The following PCNX2 variants were observed in gnomAD, a reference collection of about 807,000 sequenced individuals.
PCNX2 encodes the protein pecanex-like protein 2.
Under a neutral mutation model 223.8 loss-of-function variants are expected in PCNX2, and 168 were observed. That is an observed-to-expected ratio of 0.75 (90% CI 0.66 to 0.85). PCNX2 has a LOEUF of 0.85. PCNX2 is among the 40% of genes least tolerant of loss of function. The pLI is 0.00. For missense variants in PCNX2, 2,507 were observed against 2,675.5 expected, an observed-to-expected ratio of 0.94 and a Z score of 1.39; for synonymous variants, 1,006 against 1,052.6, an observed-to-expected ratio of 0.96 and a Z score of 0.86.
Position 233,295,718 on chromosome 1 carries a change from C to G in PCNX2, c.-240G>C. On this transcript the variant is annotated 5_prime_UTR_variant, in exon 1 of 34. Transcript: ENST00000258229. This position sits in a 1 kb window ranked among gnomAD's most constrained non-coding sequence, Gnocchi z 4.1. ...CGGCCGGGCAGGTGAGCGCCATGTC[C>G]GAGGGAGGAAGGATTTTCCCATCGT... 5.1e-6 allele frequency: 2 copies of G among 388,448 alleles called. No individual in the cohort carries two copies. The highest frequency in any genetic ancestry group is 9.9e-5 in the South Asian group (1 of 10,140). The allele number at this position is 388,448 out of a possible 1,614,324, so 24.1% of individuals were successfully genotyped here.
chr1:233,027,239 T>C (rs1671110420), intron 25 of PCNX2, among the ~76,000 whole-genome samples: 1 of 151,414 alleles, frequency 6.6e-6, no homozygotes, highest in South Asian at 2.1e-4. Context: ...AATATGGAGG[T>C]GTATGTTGAT....
chr1:233,252,515 A>C lies in PCNX2; in HGVS notation c.1983-16T>G, dbSNP rs766044525. ...GCCCTGAAAACTTAACACATATAAA[A>C]GTTTCAAAAAAAATGATTAGAAGTT... On this transcript the variant is annotated splice_polypyrimidine_tract_variant and intron_variant, in intron 6 of 33. Coordinates refer to ENST00000258229, the MANE Select transcript of PCNX2 (RefSeq NM_014801.4). 4 of 1,589,906 alleles carry C rather than the reference A, an allele frequency of 2.5e-6. No homozygotes were observed. The highest frequency in any genetic ancestry group is 3.5e-5 in the Admixed American group (2 of 56,760).
chr1:233,005,181 G>C (rs1165022698), intron 28 of PCNX2, among the ~76,000 whole-genome samples: 1 of 152,222 alleles, frequency 6.6e-6, no homozygotes, highest in Admixed American at 6.5e-5. Flanking sequence ...ATTCAGGAAA[G>C]GATTCGGAGG....
intron 1 of PCNX2, among the ~76,000 whole-genome samples, chr1:233,271,867 G>T (rs1660655475): frequency 6.6e-6 from 1 of 152,090 alleles, no homozygotes; most frequent in South Asian, 2.1e-4. Flanking sequence ...TGCTGTTTTG[G>T]TGACTATGGC....
intron 21 of PCNX2, among the ~76,000 whole-genome samples, chr1:233,111,578 A>AT (rs1675120014): frequency 6.6e-6 from 1 of 151,886 alleles, no homozygotes; most frequent in Non-Finnish European, 1.5e-5. Context: ...TAATGTTTGA[A>AT]TTTTTTGTAG....
intron 9 of PCNX2, among the ~76,000 whole-genome samples, chr1:233,235,771 T>C (rs916544633): frequency 6.6e-6 from 1 of 151,672 alleles, no homozygotes; most frequent in Non-Finnish European, 1.5e-5. Flanking sequence ...CAGGCTAATG[T>C]TTCTATTTTT....
intron 8 of PCNX2, among the ~76,000 whole-genome samples, chr1:233,243,181 TTACTAACAATTCCCTATTCA>T (rs1658880459): frequency 6.6e-6 from 1 of 152,168 alleles, no homozygotes; most frequent in Non-Finnish European, 1.5e-5. Context: ...GGAAGTTACA[TTACTAACAATTCCCTATTCA>T]TACTTGGGAG....
At chr1:233,123,510 A>T (rs1675922367) in intron 21 of PCNX2, among the ~76,000 whole-genome samples, 1 of 152,000 alleles carries the variant, frequency 6.6e-6, no homozygotes, top group Non-Finnish European at 1.5e-5. Flanking sequence ...TGAACCCAGG[A>T]GGCGGATGTT....
rs546021456 is a variant in PCNX2, at chr1:233,253,816, G to GTC, written c.1835-1030_1835-1029dup. Among the ~76,000 whole-genome samples the GTC allele has an allele frequency of 3.3e-4, 50 of 152,234 alleles. No individual in the cohort carries two copies. Among genetic ancestry groups the GTC allele is most frequent in the African/African-American group, 1.2e-3 (49 of 41,540 alleles). On this transcript the variant is annotated intron_variant, in intron 5 of 33. Transcript: ENST00000258229. The surrounding 1 kb of genome is among the most constrained non-coding windows in gnomAD (Gnocchi z 4.2). ...CTCTTTAAACAACAAACCACTAAGG[G>GTC]TCTCAGGTTATACCATTATGCAAAA...
chr1:233,089,184 C>A (rs992363950), intron 23 of PCNX2, among the ~76,000 whole-genome samples: 1 of 97,308 alleles, frequency 1.0e-5, no homozygotes, highest in Non-Finnish European at 2.3e-5. Context: ...AAAATGTAAA[C>A]AAATTACGGA....
chr1:233,252,911 A>G, intron 5 of PCNX2, 123 bp from the exon 6 acceptor site: 1 of 1,002,670 alleles, frequency 1.0e-6, no homozygotes, highest in Admixed American at 3.2e-5. Context: ...CTCTGCATGC[A>G]AAAGGCTTTT....
intron 15 of PCNX2, among the ~76,000 whole-genome samples, chr1:233,183,262 C>G (rs551524607): frequency 4.1e-4 from 63 of 152,274 alleles, no homozygotes; most frequent in African/African-American, 1.4e-3. Flanking sequence ...TTAGGCACCT[C>G]TCACTGAGTC....
chr1:233,324,443 T>C, the PCNX2 span, among the ~76,000 whole-genome samples: 1 of 152,184 alleles, frequency 6.6e-6, no homozygotes, highest in Non-Finnish European at 1.5e-5. Flanking sequence ...TAAGGACTAA[T>C]GCAGCCAGTA....
chr1:233,254,701 AC>A (rs969374430), intron 5 of PCNX2, among the ~76,000 whole-genome samples: 1 of 146,880 alleles, frequency 6.8e-6, no homozygotes, highest in Non-Finnish European at 1.5e-5. Context: ...AGATATACGC[AC>A]TTTTTTTTTT....
intron 25 of PCNX2, among the ~76,000 whole-genome samples, chr1:233,052,336 G>A (rs1006508940): frequency 6.6e-6 from 1 of 152,206 alleles, no homozygotes; most frequent in Non-Finnish European, 1.5e-5. Context: ...TTGGCTAAAA[G>A]ATGTCCTTTT....
rs138093486 is a variant in PCNX2, at chr1:233,252,563, T to C, written c.1983-64A>G. ...GTTCCTCCTTATCCTTGATAAAGCATTAAAAGCAGAAGCCAGTAAATGAGG... is the reference window on the plus strand; with the variant it reads ...GTTCCTCCTTATCCTTGATAAAGCACTAAAAGCAGAAGCCAGTAAATGAGG... On this transcript the variant is annotated intron_variant, in intron 6 of 33. Transcript: ENST00000258229. 344 of 1,585,772 alleles carry C rather than the reference T, an allele frequency of 2.2e-4. No individual in the cohort carries two copies. The East Asian group carries it at 7.5e-3, about 35-fold the overall frequency.
At chr1:233,188,667 T>C (rs1426395478) in intron 15 of PCNX2, among the ~76,000 whole-genome samples, 1 of 151,946 alleles carries the variant, frequency 6.6e-6, no homozygotes, top group Non-Finnish European at 1.5e-5. Context: ...GGATTACAGG[T>C]GCACGCCACC....
Position 233,025,572 on chromosome 1 carries a change from A to G in PCNX2, c.4352-173T>C, listed in dbSNP as rs183323830. On this transcript the variant is annotated intron_variant, in intron 25 of 33. Coordinates refer to ENST00000258229, the MANE Select transcript of PCNX2 (RefSeq NM_014801.4). ...CAAAGAAGTCACAATTCTCATAATC[A>G]TGAACTCTTTTATTCACTCACATTC... 3 of 762,600 alleles carry G rather than the reference A, an allele frequency of 3.9e-6. No individual in the cohort carries two copies. In the Admixed American group the frequency reaches 8.7e-5, roughly 22 times the overall value. The allele number at this position is 762,600 out of a possible 1,614,324, so 47.2% of individuals were successfully genotyped here.
At position 233,001,735 on chromosome 1, in the gene PCNX2, G is replaced by A; in HGVS notation, c.4953-54C>T. 2 of 1,406,090 alleles carry A rather than the reference G, an allele frequency of 1.4e-6. No homozygotes were observed. The highest frequency in any genetic ancestry group is 2.6e-5 in the East Asian group (1 of 38,630). The allele number at this position is 1,406,090 out of a possible 1,614,324, so 87.1% of individuals were successfully genotyped here. A position where few individuals can be genotyped will look rare whatever the true frequency, so the allele number is the denominator to read the frequency against. ...ACAAATTTCAGAATCCTGTCATTGTGAGCAAAGTTTGAGTCTCCCATTTGT... is the reference window on the plus strand; with the variant it reads ...ACAAATTTCAGAATCCTGTCATTGTAAGCAAAGTTTGAGTCTCCCATTTGT... On this transcript the variant is annotated intron_variant, in intron 28 of 33. Transcript: ENST00000258229. This position sits in a 1 kb window ranked among gnomAD's most constrained non-coding sequence, Gnocchi z 4.2.
Sources: allele counts gnomAD v4.1 joint callset (sites outside exome capture counted in the v4.1 genomes callset), GRCh38; gene constraint gnomAD v4.1.1; non-coding constraint Gnocchi (gnomAD v3.1); transcripts MANE v1.5; gene names NCBI Gene and HGNC (gene_info 2026-07-23, HGNC 2026-07-21).